The following CAPS2 variants were observed in gnomAD, a reference collection of about 807,000 sequenced individuals.
CAPS2 encodes the protein calcyphosin-2.
Under a neutral mutation model 86.5 loss-of-function variants are expected in CAPS2, and 98 were observed. That is an observed-to-expected ratio of 1.13 (90% confidence interval 0.96 to 1.34). The LOEUF is 1.34. Ranked by LOEUF, CAPS2 falls within the 40% of genes most tolerant of loss-of-function variation. CAPS2 has a pLI of 0.00. For missense variants in CAPS2, 729 were observed against 686.8 expected, an observed-to-expected ratio of 1.06 and a Z score of -0.69; for synonymous variants, 210 against 225.1, an observed-to-expected ratio of 0.93 and a Z score of 0.60.
chr12:75,301,434 G>T (rs74108707), intron 8 of CAPS2, among the ~76,000 whole-genome samples: 2,995 of 152,248 alleles, frequency 0.02, 91 homozygotes, highest in African/African-American at 0.068. Flanking sequence ...TGTGTTTATT[G>T]AATGCCCACT....
downstream of CAPS2, chr12:75,277,020 G>GCAGT (rs1468655720): frequency 1.0e-6 from 1 of 984,460 alleles, no homozygotes; most frequent in Non-Finnish European, 1.2e-6. Flanking sequence ...AAGAATGCAG[G>GCAGT]CAGTCAGGCA....
intron 8 of CAPS2, among the ~76,000 whole-genome samples, chr12:75,303,333 A>G (rs1238471440): frequency 6.6e-6 from 1 of 152,210 alleles, no homozygotes; most frequent in African/African-American, 2.4e-5. Context: ...GAGAGAAAAA[A>G]CAAGCTGGAC....
intron 1 of CAPS2, chr12:75,371,441 G>T: frequency 3.0e-6 from 1 of 337,112 alleles, no homozygotes; most frequent in South Asian, 2.2e-5. Flanking sequence ...CTCTCCTTTG[G>T]CAATACTCTC....
intron 1 of CAPS2, among the ~76,000 whole-genome samples, chr12:75,355,775 CA>C (rs1419293062): frequency 6.6e-6 from 1 of 152,134 alleles, no homozygotes; most frequent in Non-Finnish European, 1.5e-5. Flanking sequence ...GGTACATATA[CA>C]ACATGGAATA....
upstream of CAPS2, chr12:75,334,875 C>T: frequency 1.2e-6 from 2 of 1,614,062 alleles, no homozygotes; most frequent in South Asian, 2.2e-5. Flanking sequence ...GCAAAGTCAA[C>T]CCTCCCGCGG....
rs2042267036 is a variant in CAPS2, at chr12:75,343,749, T to A, written c.-394-20527A>T. ...AAGCATGGGCAAACCAGTGCAAATT[T>A]GAACATAATGACTGTTTGGATAAAT... On this transcript the variant is annotated intron_variant, in intron 1 of 5. Coordinates refer to the CAPS2 transcript ENST00000551829. 5 of 1,612,796 alleles carry A rather than the reference T, an allele frequency of 3.1e-6. No homozygotes were observed. In the South Asian group the frequency reaches 5.5e-5, roughly 18 times the overall value.
chr12:75,380,559 T>TA (rs1329592031), intron 1 of CAPS2, among the ~76,000 whole-genome samples: 1 of 152,156 alleles, frequency 6.6e-6, no homozygotes, highest in Non-Finnish European at 1.5e-5. Flanking sequence ...AAAACTAATA[T>TA]AAAAAAACAT....
chr12:75,287,666 G>T (rs2035137483), intron 14 of CAPS2, among the ~76,000 whole-genome samples: 1 of 152,156 alleles, frequency 6.6e-6, no homozygotes, highest in Non-Finnish European at 1.5e-5. Context: ...TGAAAGCTCT[G>T]CACTCTTTTC....
chr12:75,374,326 A>C (rs2044535975), intron 1 of CAPS2, among the ~76,000 whole-genome samples: 1 of 152,168 alleles, frequency 6.6e-6, no homozygotes, highest in Non-Finnish European at 1.5e-5. Context: ...ACACACCCAA[A>C]TGAGGAATGC....
chr12:75,385,245 G>C (rs1362998852), intron 1 of CAPS2, among the ~76,000 whole-genome samples: 1 of 152,084 alleles, frequency 6.6e-6, no homozygotes, highest in Non-Finnish European at 1.5e-5. Flanking sequence ...CAAGTATTCT[G>C]TTATAAGCAT....
intron 1 of CAPS2, among the ~76,000 whole-genome samples, chr12:75,366,608 C>T (rs1474335078): frequency 6.6e-6 from 1 of 151,866 alleles, no homozygotes; most frequent in African/African-American, 2.4e-5. Flanking sequence ...CAAAGTGGAT[C>T]ATTCTTGTCT....
intron 1 of CAPS2, among the ~76,000 whole-genome samples, chr12:75,355,637 C>CA (rs1450004544): frequency 1.3e-5 from 2 of 152,060 alleles, no homozygotes; most frequent in East Asian, 1.9e-4. Flanking sequence ...GGTATATACC[C>CA]AAAAAATATA....
In CAPS2 at chr12:75,385,011, G is replaced by T. The variant is rs79251694; in HGVS notation, c.-395+5827C>A. Among the ~76,000 whole-genome samples, 558 of 152,276 alleles carry T rather than the reference G, an allele frequency of 3.7e-3. 2 individuals carry two copies. Among genetic ancestry groups the T allele is most frequent in the African/African-American group, 0.012 (511 of 41,552 alleles). ...GGATAATAAGTTAATGGATTAATGG[G>T]TTATCACAGGAGTGAGACTAAAGGG... On this transcript the variant is annotated intron_variant, in intron 1 of 5. Transcript: ENST00000551829.
At chr12:75,356,249 T>A (rs1339683607) in intron 1 of CAPS2, among the ~76,000 whole-genome samples, 6 of 152,094 alleles carry the variant, frequency 3.9e-5, no homozygotes, top group Non-Finnish European at 8.8e-5. Flanking sequence ...AAAATAAAAC[T>A]GTCAACTGAA....
At chr12:75,374,934 A>G (rs1462238113) in intron 1 of CAPS2, among the ~76,000 whole-genome samples, 3 of 152,192 alleles carry the variant, frequency 2.0e-5, no homozygotes, top group African/African-American at 7.2e-5. Flanking sequence ...TCCAAGATCC[A>G]TTTATCTTCT....
At chr12:75,332,603 T>G (rs996812331), upstream of CAPS2, among the ~76,000 whole-genome samples, 1 of 152,070 alleles carries the variant, frequency 6.6e-6, no homozygotes, top group Non-Finnish European at 1.5e-5. Context: ...TATATAACAA[T>G]TAAAATATAG....
At chr12:75,332,253 A>C (rs1049150597), upstream of CAPS2, among the ~76,000 whole-genome samples, 6 of 152,312 alleles carry the variant, frequency 3.9e-5, no homozygotes, top group Admixed American at 2.6e-4. Context: ...GCTATCTGTT[A>C]ACCTTTATCC....
At chr12:75,334,872 C>A, upstream of CAPS2, 1 of 1,614,110 alleles carries the variant, frequency 6.2e-7, no homozygotes, top group Non-Finnish European at 8.5e-7. Context: ...GTGGCAAAGT[C>A]AACCCTCCCG....
At chr12:75,352,750 A>G (rs1427623431) in intron 1 of CAPS2, among the ~76,000 whole-genome samples, 1 of 152,244 alleles carries the variant, frequency 6.6e-6, no homozygotes, top group Non-Finnish European at 1.5e-5. Flanking sequence ...CATAATTGGA[A>G]GTAAATCACT....
Sources: allele counts gnomAD v4.1 joint callset (sites outside exome capture counted in the v4.1 genomes callset), GRCh38; gene constraint gnomAD v4.1.1; transcripts MANE v1.5; gene names NCBI Gene and HGNC (gene_info 2026-07-23, HGNC 2026-07-21).